Variants in THSD7B observed in about 807,000 individuals in gnomAD.
The protein encoded by THSD7B is thrombospondin type-1 domain-containing protein 7B.
Under a neutral mutation model 213.6 loss-of-function variants are expected in THSD7B, and 138 were observed. That is an observed-to-expected ratio of 0.65 (90% CI 0.56 to 0.74). The LOEUF (loss-of-function observed/expected upper bound fraction) is 0.74. Among genes scored for constraint, THSD7B ranks in the 30% least tolerant of loss-of-function variants. The probability of loss-of-function intolerance (pLI) is 0.00; values close to 1 mark genes in which losing one functional copy is unlikely to be tolerated. For missense variants in THSD7B, 1,931 were observed against 1,991.5 expected, an observed-to-expected ratio of 0.97 and a Z score of 0.58; for synonymous variants, 742 against 687.0, an observed-to-expected ratio of 1.08 and a Z score of -1.25.
chr2:137,500,349 G>T (rs1364612622), intron 15 of THSD7B, among the ~76,000 whole-genome samples: 1 of 152,140 alleles, frequency 6.6e-6, no homozygotes, highest in Non-Finnish European at 1.5e-5. Flanking sequence ...TCAGAAACAT[G>T]TTTTTTTGAC....
chr2:137,160,211 A>G lies in THSD7B; in HGVS notation c.1370-2A>G. The G allele has an allele frequency of 1.2e-6, 2 of 1,607,564 alleles. No individual in the cohort carries two copies. The highest frequency in any genetic ancestry group is 1.7e-6 in the Non-Finnish European group (2 of 1,177,494). On this transcript the variant is annotated splice_acceptor_variant, in intron 5 of 27. Transcript: ENST00000409968. LOFTEE classifies it high-confidence loss of function. ...ATGGTCCGTTATCTTTTTGTCCCTC[A>G]GTCTCTAGACCTGTGGAAAAGGCAT... is the stretch of plus-strand genomic sequence containing the variant.
At chr2:136,857,751 A>G (rs1334010766) in intron 1 of THSD7B, among the ~76,000 whole-genome samples, 1 of 152,138 alleles carries the variant, frequency 6.6e-6, no homozygotes, top group Non-Finnish European at 1.5e-5. Flanking sequence ...ATACATGACT[A>G]CTCCAACAAA....
In THSD7B at chr2:137,058,533, CCT is replaced by C. The variant is rs1491059761; in HGVS notation, c.950+1304_950+1305del. On this transcript the variant is annotated intron_variant, in intron 3 of 27. Coordinates refer to ENST00000409968, the MANE Select transcript of THSD7B (RefSeq NM_001316349.2). ...GAAAGTACTGAGTTCCTGTATACTC[CCT>C]GTCTCCAACATATAGTTTTTTCCTA... 5.3e-5 allele frequency among the ~76,000 whole-genome samples: 8 copies of C among 151,954 alleles called. No individual in the cohort carries two copies. The South Asian group carries it at 1.0e-3, about 20-fold the overall frequency.
intron 5 of THSD7B, among the ~76,000 whole-genome samples, chr2:137,127,078 A>G (rs183480532): frequency 6.6e-6 from 1 of 152,290 alleles, no homozygotes; most frequent in East Asian, 1.9e-4. Flanking sequence ...ATAATAATGA[A>G]AAAGTGTGAA....
intron 15 of THSD7B, among the ~76,000 whole-genome samples, chr2:137,517,110 C>G (rs1319749781): frequency 1.3e-5 from 2 of 152,214 alleles, no homozygotes; most frequent in African/African-American, 4.8e-5. Context: ...TTGGCAAATA[C>G]GTTTTTCTCT....
chr2:137,545,892 T>G (rs1680699025), intron 15 of THSD7B, among the ~76,000 whole-genome samples: 5 of 151,914 alleles, frequency 3.3e-5, no homozygotes, highest in Admixed American at 3.3e-4. Context: ...TAGTTATGCA[T>G]GGTGAGGGCT....
At chr2:136,910,685 A>C (rs1684242184) in intron 2 of THSD7B, among the ~76,000 whole-genome samples, 2 of 152,180 alleles carry the variant, frequency 1.3e-5, no homozygotes, top group South Asian at 4.1e-4. Context: ...TGGATTCTGG[A>C]AACACATAAA....
intron 2 of THSD7B, among the ~76,000 whole-genome samples, chr2:136,906,045 T>C (rs565913767): frequency 1.1e-3 from 172 of 152,376 alleles, no homozygotes; most frequent in African/African-American, 4.1e-3. Flanking sequence ...TTCCAATGCA[T>C]TGAACCTGGC....
At chr2:137,280,510 C>T (rs1180383301) in intron 12 of THSD7B, among the ~76,000 whole-genome samples, 6 of 151,968 alleles carry the variant, frequency 3.9e-5, no homozygotes, top group African/African-American at 7.2e-5. Context: ...AGATTTCATT[C>T]GTGTAATAAT....
chr2:137,285,813 T>A (rs1474827328), intron 12 of THSD7B, among the ~76,000 whole-genome samples: 1 of 152,028 alleles, frequency 6.6e-6, no homozygotes, highest in East Asian at 1.9e-4. Flanking sequence ...TCATTAAGAA[T>A]TGATTTATGG....
chr2:137,121,281 G>A (rs1688541424), intron 5 of THSD7B, among the ~76,000 whole-genome samples: 1 of 152,178 alleles, frequency 6.6e-6, no homozygotes, highest in Non-Finnish European at 1.5e-5. Context: ...GGACGAATGA[G>A]AGAGTCAGGA....
intron 15 of THSD7B, among the ~76,000 whole-genome samples, chr2:137,478,843 T>C (rs1688245328): frequency 6.6e-6 from 1 of 152,212 alleles, no homozygotes; most frequent in Admixed American, 6.5e-5. Flanking sequence ...CAGTAGTGTC[T>C]GTGATTTGCT....
At chr2:137,452,227 T>A (rs1314346115) in intron 15 of THSD7B, among the ~76,000 whole-genome samples, 1 of 152,068 alleles carries the variant, frequency 6.6e-6, no homozygotes, top group Non-Finnish European at 1.5e-5. Flanking sequence ...ATAATGACCA[T>A]AGTTTATTCT....
chr2:137,018,512 G>A (rs13423769), intron 2 of THSD7B, among the ~76,000 whole-genome samples: 11,583 of 152,136 alleles, frequency 0.076, 479 homozygotes, highest in East Asian at 0.15. Context: ...ACCAGCACAT[G>A]TTTCATTCAC....
Position 137,378,556 on chromosome 2 carries a change from T to C in THSD7B, c.2501-27057T>C, listed in dbSNP as rs558786391. 2.6e-5 allele frequency among the ~76,000 whole-genome samples: 4 copies of C among 152,362 alleles called. No individual in the cohort carries two copies. The East Asian group carries it at 7.7e-4, about 29-fold the overall frequency. On this transcript the variant is annotated intron_variant, in intron 12 of 27. Coordinates refer to ENST00000409968, the MANE Select transcript of THSD7B (RefSeq NM_001316349.2). Reference sequence around the variant, plus strand: ...TGGGGTTCAAGACCACTTGTTGTCATGTAAACATCATCCATGGGCTACATT... The same window carrying C: ...TGGGGTTCAAGACCACTTGTTGTCACGTAAACATCATCCATGGGCTACATT...
At chr2:137,617,876 A>G (rs780213283) in intron 18 of THSD7B, among the ~76,000 whole-genome samples, 1 of 152,114 alleles carries the variant, frequency 6.6e-6, no homozygotes, top group Non-Finnish European at 1.5e-5. Flanking sequence ...TCCTTTATAA[A>G]GGTACTAATT....
Position 137,529,917 on chromosome 2 carries a change from G to GA in THSD7B, c.3139-33300dup, listed in dbSNP as rs113000387. On this transcript the variant is annotated intron_variant, in intron 15 of 27. Coordinates refer to ENST00000409968, the MANE Select transcript of THSD7B (RefSeq NM_001316349.2). The stretch of plus-strand genomic sequence containing the variant: ...GATTCAATTAACATTAAAAGGGAGA[G>GA]AAAATGCCTTTTAAGTAGCATGTGG... Among the ~76,000 whole-genome samples, 558 of 152,082 alleles carry GA rather than the reference G, an allele frequency of 3.7e-3. 4 individuals carry two copies. Among genetic ancestry groups the GA allele is most frequent in the African/African-American group, 0.013 (525 of 41,526 alleles).
intron 1 of THSD7B, among the ~76,000 whole-genome samples, chr2:136,840,008 C>G (rs1483355426): frequency 6.6e-6 from 1 of 152,042 alleles, no homozygotes; most frequent in Non-Finnish European, 1.5e-5. Flanking sequence ...TGCCTTAAAA[C>G]CCAGTTTAGT....
chr2:137,021,621 A>C (rs1686446948), intron 2 of THSD7B, among the ~76,000 whole-genome samples: 1 of 152,164 alleles, frequency 6.6e-6, no homozygotes, highest in African/African-American at 2.4e-5. Flanking sequence ...CAGTTTCTCC[A>C]ATGTTTACAT....
Sources: allele counts gnomAD v4.1 joint callset (sites outside exome capture counted in the v4.1 genomes callset), GRCh38; gene constraint gnomAD v4.1.1; transcripts MANE v1.5; gene names NCBI Gene and HGNC (gene_info 2026-07-23, HGNC 2026-07-21).